RALYL: variants seen among roughly 807,000 people sequenced by gnomAD.
The protein encoded by RALYL is RNA-binding Raly-like protein.
RALYL carries 29 observed loss-of-function variants against 35.1 expected under a neutral mutation model. The ratio of observed to expected loss-of-function variants is 0.83; its 90% CI spans 0.61 to 1.13. The LOEUF is 1.13. Among genes scored for constraint, RALYL ranks in the 50% most tolerant of loss-of-function variants. RALYL has a pLI of 0.00. For missense variants in RALYL, 359 were observed against 360.4 expected, an observed-to-expected ratio of 1.00 and a Z score of 0.03; for synonymous variants, 120 against 127.6, an observed-to-expected ratio of 0.94 and a Z score of 0.40.
intron 1 of RALYL, among the ~76,000 whole-genome samples, chr8:84,518,556 A>T (rs13259587): frequency 0.33 from 50,083 of 152,140 alleles, 8,885 homozygotes; most frequent in South Asian, 0.51. Context: ...GACATACAGT[A>T]GGCATTTTCA....
chr8:84,516,376 A>G (rs918351211), intron 1 of RALYL, among the ~76,000 whole-genome samples: 2 of 152,144 alleles, frequency 1.3e-5, no homozygotes, highest in South Asian at 2.1e-4. Flanking sequence ...TCCTTAATTA[A>G]AAGCCAAATC....
At chr8:84,401,728 T>C (rs1463350974) in intron 1 of RALYL, among the ~76,000 whole-genome samples, 1 of 143,674 alleles carries the variant, frequency 7.0e-6, no homozygotes, top group Non-Finnish European at 1.5e-5. Flanking sequence ...ATGCAGTACA[T>C]CAGAGAATAT....
intron 1 of RALYL, among the ~76,000 whole-genome samples, chr8:84,443,147 T>C (rs2048509205): frequency 6.6e-6 from 1 of 152,100 alleles, no homozygotes; most frequent in Non-Finnish European, 1.5e-5. Context: ...GTGAGTGTTA[T>C]TGCCTACTTT....
chr8:84,470,620 G>A (rs2052605609), intron 1 of RALYL, among the ~76,000 whole-genome samples: 1 of 152,186 alleles, frequency 6.6e-6, no homozygotes, highest in African/African-American at 2.4e-5. Flanking sequence ...CCAGCCTATT[G>A]TGAGGTACAT....
chr8:84,769,058 C>G (rs1258078116), intron 2 of RALYL, among the ~76,000 whole-genome samples: 1 of 152,168 alleles, frequency 6.6e-6, no homozygotes, highest in East Asian at 1.9e-4. Flanking sequence ...AATAATTTTA[C>G]ATGTTCATTT....
At chr8:84,865,434 A>C (rs1839001163) in intron 6 of RALYL, among the ~76,000 whole-genome samples, 1 of 152,196 alleles carries the variant, frequency 6.6e-6, no homozygotes, top group African/African-American at 2.4e-5. Context: ...AATTCTGCTA[A>C]GGAGAAAACT....
intron 1 of RALYL, among the ~76,000 whole-genome samples, chr8:84,398,507 C>A (rs946556982): frequency 6.6e-6 from 1 of 151,962 alleles, no homozygotes; most frequent in Admixed American, 6.6e-5. Flanking sequence ...CAACGTAAGA[C>A]CCTTTCTTCT....
At chr8:84,617,525 A>G (rs1474909667) in intron 2 of RALYL, among the ~76,000 whole-genome samples, 52 of 150,598 alleles carry the variant, frequency 3.5e-4, no homozygotes, top group Admixed American at 3.4e-3. Context: ...GTATACAATC[A>G]TGTCATCTGC....
intron 3 of RALYL, among the ~76,000 whole-genome samples, chr8:84,790,911 T>C (rs1820620788): frequency 6.6e-6 from 1 of 152,210 alleles, no homozygotes; most frequent in African/African-American, 2.4e-5. Flanking sequence ...AGCTACGGTC[T>C]GTTTACAATT....
chr8:84,314,232 A>T (rs1359335902), intron 1 of RALYL, among the ~76,000 whole-genome samples: 1 of 152,084 alleles, frequency 6.6e-6, no homozygotes, highest in Non-Finnish European at 1.5e-5. Context: ...GTCACCTCCC[A>T]CCAGATCCCT....
chr8:84,903,044 C>A (rs569388056), intron 8 of RALYL, among the ~76,000 whole-genome samples: 2 of 152,118 alleles, frequency 1.3e-5, no homozygotes, highest in African/African-American at 4.8e-5. Flanking sequence ...CACAGTGAGA[C>A]TCTTATTTTT....
chr8:84,746,128 C>G (rs1808542780), intron 2 of RALYL, among the ~76,000 whole-genome samples: 1 of 151,978 alleles, frequency 6.6e-6, no homozygotes, highest in South Asian at 2.1e-4. Context: ...TTTTGCATTC[C>G]TGCAATAACA....
At chr8:84,783,899 A>C (rs1471646727) in intron 3 of RALYL, among the ~76,000 whole-genome samples, 1 of 152,228 alleles carries the variant, frequency 6.6e-6, no homozygotes, top group Non-Finnish European at 1.5e-5. Context: ...TCAAGGCAGA[A>C]AAAGTGAGCA....
intron 1 of RALYL, among the ~76,000 whole-genome samples, chr8:84,442,270 T>C (rs1407186404): frequency 6.6e-6 from 1 of 152,166 alleles, no homozygotes; most frequent in Non-Finnish European, 1.5e-5. Context: ...TAAATTTAAA[T>C]GGTAACAAAC....
At chr8:84,908,845 G>A (rs1464351463) in intron 8 of RALYL, among the ~76,000 whole-genome samples, 1 of 151,690 alleles carries the variant, frequency 6.6e-6, no homozygotes, top group African/African-American at 2.4e-5. Context: ...TATTCTGACT[G>A]GATGTCACCC....
chr8:84,719,435 G>A (rs1843495243), intron 2 of RALYL, among the ~76,000 whole-genome samples: 1 of 152,062 alleles, frequency 6.6e-6, no homozygotes, highest in Admixed American at 6.6e-5. Context: ...CTCAGGTTTT[G>A]GAGTTACTTT....
chr8:84,294,713 C>A (rs1227557302), intron 1 of RALYL, among the ~76,000 whole-genome samples: 1 of 151,848 alleles, frequency 6.6e-6, no homozygotes, highest in African/African-American at 2.4e-5. Context: ...TCACAGAAGT[C>A]ACACTTGTGG....
intron 2 of RALYL, among the ~76,000 whole-genome samples, chr8:84,683,927 C>T (rs760951597): frequency 2.6e-5 from 4 of 152,134 alleles, no homozygotes; most frequent in Admixed American, 6.6e-5. Context: ...CAGGAACTCT[C>T]GATCCCTCAG....
chr8:84,640,594 C>T (rs1826102111), intron 2 of RALYL, among the ~76,000 whole-genome samples: 1 of 151,784 alleles, frequency 6.6e-6, no homozygotes, highest in Admixed American at 6.6e-5. Flanking sequence ...TGGAGGAAAA[C>T]ATTGCTTTTC....
Sources: gnomAD v4.1 joint callset for allele counts (sites outside exome capture counted in the v4.1 genomes callset) on GRCh38, gnomAD v4.1.1 for gene constraint, MANE v1.5 for transcripts, NCBI Gene and HGNC (gene_info 2026-07-23, HGNC 2026-07-21) for gene names.